The following NCAM2 variants were observed in gnomAD, a reference collection of about 807,000 sequenced individuals.
NCAM2 encodes the protein neural cell adhesion molecule 2, also known as N-CAM-2.
A neutral mutation model predicts 98.1 loss-of-function variants in NCAM2; 30 were observed. That is an observed-to-expected ratio of 0.31 (90% CI 0.23 to 0.41). The LOEUF is 0.41. Ranked by LOEUF, NCAM2 falls within the 10% of genes least tolerant of loss-of-function variation. NCAM2 has a pLI of 1.00. For synonymous variants in NCAM2, 368 were observed against 342.4 expected (o/e 1.07, Z -0.83); for missense variants, 867 against 1,005.8 (o/e 0.86, Z 1.87).
At chr21:21,440,648 T>C (rs1417831013) in intron 12 of NCAM2, among the ~76,000 whole-genome samples, 1 of 147,568 alleles carries the variant, frequency 6.8e-6, no homozygotes, top group African/African-American at 2.5e-5. Flanking sequence ...AGCACGGCAC[T>C]CCAGCCTGGG....
At chr21:21,179,489 C>T (rs1435951686) in intron 1 of NCAM2, among the ~76,000 whole-genome samples, 1 of 152,058 alleles carries the variant, frequency 6.6e-6, no homozygotes, top group African/African-American at 2.4e-5. Context: ...TCAGAAATTC[C>T]AGTCAATTCT....
In NCAM2 at chr21:21,324,446, T is replaced by G; in HGVS notation, c.683T>G (p.Met228Arg). Residue 228 changes from methionine to arginine, a missense_variant, in exon 6 of 18, where the codon ATG becomes AGG. Around this residue, in one of 5 missense-constraint regions of NCAM2, gnomAD observed 447 missense variants for 495.7 expected, o/e 0.90. Transcript: ENST00000400546. ...GCCACAGCAGAGAGAGGAGAAGAAA[T>G]GACATTTTCCTGCAGGGCCTCAGGC... The part of the protein sequence containing the change: ...FNATAERGEE[M>R]TFSCRASGSP... 1 of 1,613,686 alleles carries G rather than the reference T, an allele frequency of 6.2e-7. No homozygotes were observed.
At position 21,294,375 on chromosome 21, in the gene NCAM2, T is replaced by C. The variant is rs184878881; in HGVS notation, c.619+2134T>C. Among the ~76,000 whole-genome samples the C allele has an allele frequency of 1.2e-3, 183 of 151,996 alleles. 2 individuals are homozygous for C. Among genetic ancestry groups the C allele is most frequent in the Non-Finnish European group, 3.8e-4 (26 of 67,882 alleles). ...TTCAGGATGTATAAGGAGACAAATA[T>C]AGGAATATGTTTTTATGTGCCATTT... On this transcript the variant is annotated intron_variant, in intron 5 of 17. Coordinates refer to ENST00000400546, the MANE Select transcript of NCAM2 (RefSeq NM_004540.5).
At chr21:21,192,666 A>G (rs569706989) in intron 1 of NCAM2, among the ~76,000 whole-genome samples, 6 of 152,314 alleles carry the variant, frequency 3.9e-5, no homozygotes, top group African/African-American at 1.4e-4. Flanking sequence ...TAACAAACAA[A>G]CAAATGAAAA....
At chr21:21,332,876 A>G (rs2826801) in intron 6 of NCAM2, among the ~76,000 whole-genome samples, 42,335 of 152,116 alleles carry the variant, frequency 0.28, 6,101 homozygotes, top group East Asian at 0.39. Context: ...TTTTATATGT[A>G]TAGCCAGTGT....
intron 5 of NCAM2, among the ~76,000 whole-genome samples, chr21:21,300,030 T>C (rs1388448782): frequency 1.3e-5 from 2 of 152,050 alleles, no homozygotes; most frequent in Non-Finnish European, 2.9e-5. Context: ...AAAATTGTTC[T>C]ATTTTTATTG....
chr21:21,148,038 A>G (rs1569076244), intron 1 of NCAM2, among the ~76,000 whole-genome samples: 1 of 152,066 alleles, frequency 6.6e-6, no homozygotes, highest in Non-Finnish European at 1.5e-5. Flanking sequence ...TGAGGCAGAG[A>G]GAGTGCCAAT....
intron 1 of NCAM2, chr21:21,147,380 G>T (rs1402789419): frequency 1.5e-6 from 1 of 657,174 alleles, no homozygotes; most frequent in Non-Finnish European, 1.9e-6. Context: ...GAAAATTTTG[G>T]AGTGACTCAG....
chr21:21,494,089 T>G (rs1987039532), intron 15 of NCAM2, among the ~76,000 whole-genome samples: 2 of 151,876 alleles, frequency 1.3e-5, no homozygotes, highest in Admixed American at 1.3e-4. Context: ...TTACCATAGA[T>G]TCCAAGAAAA....
intron 11 of NCAM2, among the ~76,000 whole-genome samples, chr21:21,431,811 AC>A (rs1466876413): frequency 2.0e-5 from 3 of 151,782 alleles, no homozygotes; most frequent in Non-Finnish European, 4.4e-5. Context: ...GTTTTCCTGG[AC>A]CTCAATAAAA....
intron 1 of NCAM2, among the ~76,000 whole-genome samples, chr21:21,043,768 G>A (rs764770308): frequency 5.3e-5 from 8 of 150,954 alleles, no homozygotes; most frequent in Non-Finnish European, 8.9e-5. Flanking sequence ...ACAGGAGAGT[G>A]GCGTGAACCC....
chr21:21,331,539 T>TCTCTCTCTCC (rs1267596894), intron 6 of NCAM2, among the ~76,000 whole-genome samples: 4 of 9,352 alleles, frequency 4.3e-4, no homozygotes, highest in South Asian at 3.5e-3. Context: ...ATATATACTC[T>TCTCTCTCTCC]ATATACATAT....
intron 17 of NCAM2, among the ~76,000 whole-genome samples, chr21:21,535,342 A>T (rs1445223092): frequency 6.6e-6 from 1 of 152,144 alleles, no homozygotes; most frequent in Non-Finnish European, 1.5e-5. Flanking sequence ...TGTGGTACTA[A>T]CAAAACCATG....
chr21:21,407,243 T>C (rs560753351), intron 9 of NCAM2, among the ~76,000 whole-genome samples: 17 of 152,244 alleles, frequency 1.1e-4, no homozygotes, highest in Non-Finnish European at 1.8e-4. Flanking sequence ...TGCTACTGTA[T>C]TGATATTTAC....
At chr21:21,374,799 C>A (rs1380649158) in intron 9 of NCAM2, among the ~76,000 whole-genome samples, 3 of 151,770 alleles carry the variant, frequency 2.0e-5, no homozygotes, top group Admixed American at 6.6e-5. Flanking sequence ...CAAAATATTT[C>A]TATTGGAGCA....
chr21:21,061,257 AAT>A (rs2065315681), intron 1 of NCAM2, among the ~76,000 whole-genome samples: 2 of 152,152 alleles, frequency 1.3e-5, no homozygotes, highest in African/African-American at 4.8e-5. Context: ...AGTGTTCTTG[AAT>A]ATAGTCTAAG....
intron 12 of NCAM2, among the ~76,000 whole-genome samples, chr21:21,459,907 A>C (rs1982713231): frequency 6.6e-6 from 1 of 152,016 alleles, no homozygotes. Flanking sequence ...ATGCATATTA[A>C]AATGTACTAA....
chr21:21,476,642 A>C (rs1361277445), intron 14 of NCAM2, among the ~76,000 whole-genome samples: 2 of 152,042 alleles, frequency 1.3e-5, no homozygotes, highest in Admixed American at 1.3e-4. Flanking sequence ...ATATGGTCAA[A>C]TTTATATTTT....
intron 1 of NCAM2, among the ~76,000 whole-genome samples, chr21:21,152,835 T>G (rs1049336614): frequency 6.6e-6 from 1 of 151,966 alleles, no homozygotes; most frequent in African/African-American, 2.4e-5. Flanking sequence ...GGGACACTTA[T>G]GCTGATGTCT....
Sources: allele counts gnomAD v4.1 joint callset (sites outside exome capture counted in the v4.1 genomes callset), GRCh38; gene constraint gnomAD v4.1.1; regional missense constraint gnomAD v4.1.1; transcripts MANE v1.5; gene names NCBI Gene and HGNC (gene_info 2026-07-23, HGNC 2026-07-21).